FREM2: variants seen among roughly 807,000 people sequenced by gnomAD.
FREM2 encodes the protein FRAS1-related extracellular matrix protein 2.
In FREM2, 119 loss-of-function variants were observed where a neutral mutation model predicts 219.9. That is an observed-to-expected ratio of 0.54 (90% CI 0.47 to 0.63). The LOEUF (loss-of-function observed/expected upper bound fraction) is 0.63, where lower values mean the gene tolerates loss of function less well. Among genes scored for constraint, FREM2 ranks in the 30% least tolerant of loss-of-function variants. FREM2 has a pLI of 0.00. For synonymous variants in FREM2, 1,562 were observed against 1,522.8 expected (o/e 1.03, Z -0.60); for missense variants, 4,030 against 3,993.6 (o/e 1.01, Z -0.25).
At chr13:38,721,526 G>A (rs1289320086) in intron 2 of FREM2, among the ~76,000 whole-genome samples, 1 of 152,144 alleles carries the variant, frequency 6.6e-6, no homozygotes, top group Admixed American at 6.6e-5. Flanking sequence ...GACCCTCAAT[G>A]CAGAATAGTT....
chr13:38,770,207 G>T (rs2034421), intron 4 of FREM2, among the ~76,000 whole-genome samples: 131,745 of 147,662 alleles, frequency 0.89, 59,843 homozygotes, highest in Non-Finnish European at 0.99. Context: ...ATATATAATT[G>T]AATATATATA....
intron 4 of FREM2, among the ~76,000 whole-genome samples, chr13:38,773,444 G>A (rs9548452): frequency 0.31 from 46,944 of 151,778 alleles, 7,587 homozygotes; most frequent in Middle Eastern, 0.46. Flanking sequence ...AGGCTTGAGC[G>A]CAGTGGAGCT....
At position 38,769,778 on chromosome 13, in the gene FREM2, G is replaced by A. The variant is rs542257246; in HGVS notation, c.5611G>A (p.Ala1871Thr). 31 of 1,613,982 alleles carry A rather than the reference G, an allele frequency of 1.9e-5. No homozygotes were observed. In the South Asian group the frequency reaches 2.4e-4, roughly 13 times the overall value. The change falls in exon 4 of 24, where the codon GCC becomes ACC. Residue 1871 changes from alanine (A) to threonine (T), a missense_variant. Physicochemically the swap from Ala to Thr is moderately conservative, Grantham distance 58. This residue lies in a region of FREM2 where 3,102 missense variants were observed against 2,950.7 expected (regional missense o/e 1.05). Coordinates refer to ENST00000280481, the MANE Select transcript of FREM2 (RefSeq NM_207361.6). ...GGCTGCCTTGGAATTCCCCACAGTC[G>A]CCACTGTTGAGATCGTTGATCCAGG... is the stretch of plus-strand genomic sequence containing the variant. ...VLAALEFPTV[A>T]TVEIVDPGDE...
rs1346165035 is a variant in FREM2 at position 38,687,742 on chromosome 13, C to T, written c.398C>T (p.Pro133Leu). The T allele has an allele frequency of 1.3e-6, 2 of 1,545,352 alleles. No homozygotes were observed. Among genetic ancestry groups the T allele is most frequent in the South Asian group, 1.2e-5 (1 of 80,116 alleles). Residue 133 changes from proline (P) to leucine (L), a missense_variant, in exon 1 of 24, where the codon CCT (proline) becomes CTT (leucine). Around this residue, in one of 2 missense-constraint regions of FREM2, gnomAD observed 3,102 missense variants for 2,950.7 expected, o/e 1.05. Transcript: ENST00000280481. ...SPKRFPCDFGPGEVRYSHLGA... is the reference protein window; with the variant it reads ...SPKRFPCDFGLGEVRYSHLGA... ...AAGCGCTTCCCGTGCGACTTTGGCC[C>T]TGGCGAGGTGCGCTACTCTCACCTG...
In FREM2 at chr13:38,687,352, C is replaced by G; in HGVS notation, c.8C>G (p.Ser3Ter). The stretch of plus-strand genomic sequence containing the variant: ...AGCCCGAACACCGGGACCATGCACT[C>G]AGCCGGGACTCCCGGGTTATCCTCG... The part of the protein sequence containing the change: MH[S>*]AGTPGLSSRR... The change falls in exon 1 of 24, where the codon TCA (serine) becomes TGA (stop). Residue 3 changes from serine to a stop codon, truncating the protein, a stop_gained. Transcript: ENST00000280481. LOFTEE classifies it high-confidence loss of function. 1 of 1,604,816 alleles carries G rather than the reference C, an allele frequency of 6.2e-7. No individual in the cohort carries two copies. The highest frequency in any genetic ancestry group is 1.7e-5 in the Admixed American group (1 of 59,266).
intron 2 of FREM2, among the ~76,000 whole-genome samples, chr13:38,704,716 A>G (rs1870472129): frequency 1.3e-5 from 2 of 152,336 alleles, no homozygotes; most frequent in South Asian, 4.1e-4. Context: ...ACAGTGGTCT[A>G]AAGAACTACC....
intron 4 of FREM2, among the ~76,000 whole-genome samples, chr13:38,771,958 A>C (rs1015808398): frequency 1.3e-5 from 2 of 152,176 alleles, no homozygotes; most frequent in Non-Finnish European, 2.9e-5. Flanking sequence ...AACATCATAA[A>C]TCTAATGTTA....
chr13:38,710,326 C>T (rs1489079012), intron 2 of FREM2, among the ~76,000 whole-genome samples: 1 of 152,088 alleles, frequency 6.6e-6, no homozygotes, highest in East Asian at 1.9e-4. Context: ...CTCATATATT[C>T]AATATCTCTA....
chr13:38,853,738 A>C (rs1255013909), intron 11 of FREM2, among the ~76,000 whole-genome samples: 2 of 152,232 alleles, frequency 1.3e-5, no homozygotes, highest in Non-Finnish European at 2.9e-5. Context: ...ATTTGAAATA[A>C]ATCACATGTA....
rs372835149 is a variant in FREM2 at position 38,764,279 on chromosome 13, A to T, written c.5264-25A>T. The T allele has an allele frequency of 7.6e-6, 12 of 1,583,964 alleles. No homozygotes were observed. The African/African-American group carries it at 1.3e-4, about 18-fold the overall frequency. ...CACTCATTCAAGAAAGCACTAATTT[A>T]TGGCTTTAAATTTTTATTTTCAAGG... On this transcript the variant is annotated intron_variant, in intron 2 of 23. Coordinates refer to ENST00000280481, the MANE Select transcript of FREM2 (RefSeq NM_207361.6).
intron 2 of FREM2, among the ~76,000 whole-genome samples, chr13:38,749,908 A>C (rs1409554747): frequency 2.0e-5 from 3 of 152,174 alleles, no homozygotes; most frequent in Non-Finnish European, 4.4e-5. Flanking sequence ...CACATATTCA[A>C]AAATGCCACC....
rs1342869676 is a variant in FREM2 at position 38,884,579 on chromosome 13, A to G, written c.*3792A>G. On this transcript the variant is annotated 3_prime_UTR_variant, in exon 24 of 24. Transcript: ENST00000280481. ...AACTTTCATAATTGTATTAATCAGA[A>G]AACAAGCACATTGCCATTCTTTGAA... The G allele has an allele frequency of 6.6e-6, 1 of 152,210 alleles. No individual in the cohort carries two copies. Among genetic ancestry groups the G allele is most frequent in the Non-Finnish European group, 1.5e-5 (1 of 68,034 alleles). 9.4% of individuals were successfully genotyped at this position (152,210 alleles called of 1,614,324 possible).
chr13:38,866,789 C>T (rs944378701), intron 16 of FREM2, among the ~76,000 whole-genome samples: 3 of 152,152 alleles, frequency 2.0e-5, no homozygotes, highest in African/African-American at 7.2e-5. Context: ...CAGCACTTCT[C>T]CGTCTTTTGT....
chr13:38,824,930 T>C (rs1876217984), intron 6 of FREM2, among the ~76,000 whole-genome samples: 1 of 151,078 alleles, frequency 6.6e-6, no homozygotes, highest in Non-Finnish European at 1.5e-5. Context: ...CTTCCAAAGT[T>C]AACCAGCCTA....
rs775270429 is a variant in FREM2 at position 38,864,301 on chromosome 13, G to A, written c.7678G>A (p.Glu2560Lys). 1.9e-6 allele frequency: 3 copies of A among 1,614,112 alleles called. No homozygotes were observed. The highest frequency in any genetic ancestry group is 2.2e-5 in the East Asian group (1 of 44,874). The change falls in exon 16 of 24, where the codon GAG (glutamate) becomes AAG (lysine). Residue 2560 changes from glutamate to lysine, a missense_variant. Physicochemically the swap from Glu to Lys is moderately conservative, Grantham distance 56. Around this residue, in one of 2 missense-constraint regions of FREM2, gnomAD observed 928 missense variants for 1,042.9 expected, o/e 0.89. Coordinates refer to ENST00000280481, the MANE Select transcript of FREM2 (RefSeq NM_207361.6). ...CATGCTCCCCGTGATCTCCACTAGA[G>A]AGCTTTCCAACTTTGAGCTCACCCT... ...DGMLPVISTR[E>K]LSNFELTLSP... is the part of the protein sequence containing the mutation.
intron 11 of FREM2, among the ~76,000 whole-genome samples, chr13:38,855,541 T>C (rs937812567): frequency 2.0e-5 from 3 of 152,180 alleles, no homozygotes; most frequent in African/African-American, 7.2e-5. Context: ...CAATGTCTTA[T>C]TATTAAAATT....
intron 2 of FREM2, among the ~76,000 whole-genome samples, chr13:38,761,992 A>C (rs1873244159): frequency 6.6e-6 from 1 of 152,212 alleles, no homozygotes; most frequent in Non-Finnish European, 1.5e-5. Context: ...AGAAAGGAGC[A>C]CAGGTGGGTG....
At position 38,877,125 on chromosome 13, in the gene FREM2, T is replaced by TC; in HGVS notation, c.8555dup (p.Val2853SerfsTer4). 1 of 1,614,142 alleles carries TC rather than the reference T, an allele frequency of 6.2e-7. No individual in the cohort carries two copies. The highest frequency in any genetic ancestry group is 8.5e-7 in the Non-Finnish European group (1 of 1,179,974). On this transcript the variant is annotated frameshift_variant, in exon 21 of 24. Coordinates refer to ENST00000280481, the MANE Select transcript of FREM2 (RefSeq NM_207361.6). LOFTEE classifies it high-confidence loss of function. ...TTTACCTTTGGTTTTAGGTCAGTGA[T>TC]CCAGTGGCTGCTGAGTTTAGCTTGA...
chr13:38,757,571 G>C (rs1873062435), intron 2 of FREM2, among the ~76,000 whole-genome samples: 1 of 151,514 alleles, frequency 6.6e-6, no homozygotes, highest in Admixed American at 6.6e-5. Flanking sequence ...TACGTCCTGG[G>C]TCTTTGTCAT....
Sources: allele counts gnomAD v4.1 joint callset (sites outside exome capture counted in the v4.1 genomes callset), GRCh38; gene constraint gnomAD v4.1.1; regional missense constraint gnomAD v4.1.1; transcripts MANE v1.5; gene names NCBI Gene and HGNC (gene_info 2026-07-23, HGNC 2026-07-21).